Variants in DIAPH3 observed in about 807,000 individuals in gnomAD.
DIAPH3 encodes protein diaphanous homolog 3.
In DIAPH3, 117 loss-of-function variants were observed where a neutral mutation model predicts 144.3. That is an observed-to-expected ratio of 0.81 (90% CI 0.70 to 0.95). DIAPH3 has a LOEUF of 0.95. Ranked by LOEUF, DIAPH3 falls within the 40% of genes least tolerant of loss-of-function variation. The probability of loss-of-function intolerance (pLI) is 0.00; values close to 1 mark genes in which losing one functional copy is unlikely to be tolerated. For missense variants in DIAPH3, 1,421 were observed against 1,412.7 expected, an observed-to-expected ratio of 1.01 and a Z score of -0.09; for synonymous variants, 519 against 488.9, an observed-to-expected ratio of 1.06 and a Z score of -0.81.
intron 24 of DIAPH3, among the ~76,000 whole-genome samples, chr13:59,828,164 C>A (rs907232807): frequency 1.3e-5 from 2 of 151,948 alleles, no homozygotes; most frequent in Non-Finnish European, 2.9e-5. Context: ...CCAATCTGAA[C>A]TTTTGTCTTC....
chr13:59,703,691 C>T (rs2034246784), intron 27 of DIAPH3, among the ~76,000 whole-genome samples: 1 of 151,872 alleles, frequency 6.6e-6, no homozygotes, highest in Non-Finnish European at 1.5e-5. Context: ...TTTCAAAGTC[C>T]CTGTCTAGTA....
chr13:59,689,839 T>G (rs1001777226), intron 27 of DIAPH3, among the ~76,000 whole-genome samples: 2 of 151,826 alleles, frequency 1.3e-5, no homozygotes, highest in Non-Finnish European at 2.9e-5. Context: ...ATGCTTTAAG[T>G]AAGCTGATCA....
At chr13:60,160,846 A>C (rs1303039799) in intron 1 of DIAPH3, among the ~76,000 whole-genome samples, 1 of 152,270 alleles carries the variant, frequency 6.6e-6, no homozygotes, top group African/African-American at 2.4e-5. Flanking sequence ...TCATACAATT[A>C]CAATAGACTA....
intron 21 of DIAPH3, among the ~76,000 whole-genome samples, chr13:59,877,586 T>C (rs2044712618): frequency 1.3e-5 from 2 of 152,274 alleles, no homozygotes; most frequent in South Asian, 4.1e-4. Context: ...CATATATGTT[T>C]CATGGCAACA....
intron 27 of DIAPH3, among the ~76,000 whole-genome samples, chr13:59,684,757 CAT>C (rs2033127015): frequency 6.6e-6 from 1 of 152,136 alleles, no homozygotes; most frequent in African/African-American, 2.4e-5. Flanking sequence ...AATTGATCAA[CAT>C]ATGTCTTTCA....
rs542237853 is a variant in DIAPH3, at chr13:60,141,777, CTTAT to C, written c.181-8792_181-8789del. Among the ~76,000 whole-genome samples the C allele has an allele frequency of 4.3e-3, 655 of 152,252 alleles. 5 individuals are homozygous for C. The highest frequency in any genetic ancestry group is 7.2e-3 in the Admixed American group (110 of 15,300). On this transcript the variant is annotated intron_variant, in intron 1 of 27. Coordinates refer to ENST00000400324, the MANE Select transcript of DIAPH3 (RefSeq NM_001042517.2). ...GACAATAAGCACAATAAGTAAATTA[CTTAT>C]TTAAGATGTTAGAAGGTGATGAATG...
chr13:59,779,160 G>A (rs1209545362), intron 25 of DIAPH3, among the ~76,000 whole-genome samples: 1 of 152,116 alleles, frequency 6.6e-6, no homozygotes, highest in East Asian at 1.9e-4. Flanking sequence ...AGAGCAGATG[G>A]CTATTTTTGG....
chr13:59,889,568 T>C (rs1646585655), intron 20 of DIAPH3, among the ~76,000 whole-genome samples: 1 of 152,090 alleles, frequency 6.6e-6, no homozygotes. Flanking sequence ...GTATCCTTAT[T>C]TTGTCTTTGC....
At chr13:60,119,856 G>T (rs1177801088) in intron 2 of DIAPH3, among the ~76,000 whole-genome samples, 2 of 151,006 alleles carry the variant, frequency 1.3e-5, no homozygotes, top group Admixed American at 1.3e-4. Context: ...TAGTCATGTT[G>T]TGTATGCAGC....
At chr13:59,742,199 C>A (rs2036490360) in intron 27 of DIAPH3, among the ~76,000 whole-genome samples, 1 of 152,052 alleles carries the variant, frequency 6.6e-6, no homozygotes, top group South Asian at 2.1e-4. Context: ...CTGGCCCCAC[C>A]CTAGACACGT....
chr13:60,096,096 A>C (rs1227095696), intron 3 of DIAPH3, among the ~76,000 whole-genome samples: 1 of 152,248 alleles, frequency 6.6e-6, no homozygotes, highest in African/African-American at 2.4e-5. Flanking sequence ...TAATTTATGA[A>C]CATAGGTAAC....
rs185263238 is a variant in DIAPH3, at chr13:59,944,727, T to C, written c.2075-19857A>G. Among the ~76,000 whole-genome samples the C allele has an allele frequency of 8.4e-3, 1,266 of 151,440 alleles. 11 individuals are homozygous for C. The highest frequency in any genetic ancestry group is 0.018 in the South Asian group (83 of 4,740). On this transcript the variant is annotated intron_variant, in intron 17 of 27. Transcript: ENST00000400324. ...ATATACATTTATTATTAATGCATAG[T>C]TGAATTAAAAACTACTATGTTTAAC...
At chr13:59,690,178 C>T (rs2033431177) in intron 27 of DIAPH3, among the ~76,000 whole-genome samples, 1 of 152,078 alleles carries the variant, frequency 6.6e-6, no homozygotes. Flanking sequence ...AAAATTCAGT[C>T]TAATTTCATT....
intron 27 of DIAPH3, among the ~76,000 whole-genome samples, chr13:59,767,438 G>A (rs2037912840): frequency 6.6e-6 from 1 of 151,168 alleles, no homozygotes; most frequent in South Asian, 2.1e-4. Flanking sequence ...TTTTAAAAGG[G>A]ATTTTTATTT....
intron 4 of DIAPH3, among the ~76,000 whole-genome samples, chr13:60,079,966 C>T (rs1400803115): frequency 6.6e-6 from 1 of 151,824 alleles, no homozygotes; most frequent in Non-Finnish European, 1.5e-5. Context: ...AACTTTCCCA[C>T]ACAAAAACCC....
chr13:59,863,762 C>G (rs1195102569), intron 21 of DIAPH3, among the ~76,000 whole-genome samples: 1 of 152,070 alleles, frequency 6.6e-6, no homozygotes, highest in East Asian at 1.9e-4. Context: ...AAAAGAAATA[C>G]AGATTTCACA....
chr13:60,014,035 G>C (rs577771535), intron 7 of DIAPH3, among the ~76,000 whole-genome samples: 1 of 151,964 alleles, frequency 6.6e-6, no homozygotes, highest in Non-Finnish European at 1.5e-5. Flanking sequence ...ATATTAATTA[G>C]AAAATAAAGT....
Position 59,911,823 on chromosome 13 carries a change from T to G in DIAPH3, c.2279A>C (p.His760Pro). The G allele has an allele frequency of 1.2e-6, 2 of 1,611,596 alleles. No individual in the cohort carries two copies. Among genetic ancestry groups the G allele is most frequent in the Admixed American group, 1.7e-5 (1 of 60,010 alleles). The change falls in exon 20 of 28, where the codon CAT (histidine) becomes CCT (proline). Residue 760 changes from histidine (H) to proline (P), a missense_variant. Coordinates refer to ENST00000400324, the MANE Select transcript of DIAPH3 (RefSeq NM_001042517.2). ...ATTTAATTGCTCTTGATCAGGAAGA[T>G]GCTTTATTAAGTTCTAAAAATTAAA... ...AESMIQNLIK[H>P]LPDQEQLNSL...
At chr13:60,000,279 C>T (rs946914182) in intron 9 of DIAPH3, among the ~76,000 whole-genome samples, 3 of 152,126 alleles carry the variant, frequency 2.0e-5, no homozygotes, top group Admixed American at 2.0e-4. Context: ...TCCAGTACTG[C>T]ATCACTGTTA....
Sources: allele counts gnomAD v4.1 joint callset (sites outside exome capture counted in the v4.1 genomes callset), GRCh38; gene constraint gnomAD v4.1.1; transcripts MANE v1.5; gene names NCBI Gene and HGNC (gene_info 2026-07-23, HGNC 2026-07-21).